Variants in SLX4 observed in about 807,000 individuals in gnomAD.
SLX4 encodes the protein structure-specific endonuclease subunit SLX4.
In SLX4, 112 loss-of-function variants were observed where a neutral mutation model predicts 146.2. The ratio of observed to expected loss-of-function variants is 0.77; its 90% CI spans 0.66 to 0.90. The LOEUF is 0.90. SLX4 is among the 40% of genes least tolerant of loss of function. The probability of loss-of-function intolerance (pLI) is 0.00; values close to 1 mark genes in which losing one functional copy is unlikely to be tolerated. For synonymous variants in SLX4, 1,061 were observed against 997.7 expected (o/e 1.06, Z -1.20); for missense variants, 2,563 against 2,392.7 (o/e 1.07, Z -1.49).
chr16:3,594,685 C>A, intron 9 of SLX4, 86 bp from the exon 10 acceptor site: 3 of 1,586,912 alleles, frequency 1.9e-6, no homozygotes, highest in Admixed American at 1.7e-5. Flanking sequence ...ATGGAGGTGG[C>A]GCTAGGGTGG....
At chr16:3,596,431 C>T (rs1567173464) in intron 7 of SLX4, 38 bp from the exon 8 acceptor site, 1 of 1,557,624 alleles carries the variant, frequency 6.4e-7, no homozygotes, top group East Asian at 2.3e-5. Context: ...CACGTGGTCA[C>T]TGTCATTGAC....
intron 12 of SLX4, among the ~76,000 whole-genome samples, chr16:3,586,163 G>A (rs867853296): frequency 2.6e-5 from 4 of 152,082 alleles, no homozygotes; most frequent in South Asian, 2.1e-4. Flanking sequence ...CAAGAAGAAG[G>A]AAAACATGTC....
At chr16:3,596,880 T>TGCCCA (rs1183159630) in intron 7 of SLX4, among the ~76,000 whole-genome samples, 2 of 151,170 alleles carry the variant, frequency 1.3e-5, no homozygotes, top group East Asian at 3.9e-4. Context: ...TGGAGTGTAA[T>TGCCCA]GGCACGGTCT....
chr16:3,584,402 C>T (rs1037517377), intron 13 of SLX4, among the ~76,000 whole-genome samples: 2 of 152,050 alleles, frequency 1.3e-5, no homozygotes, highest in Non-Finnish European at 2.9e-5. Flanking sequence ...GCCTGGGCGA[C>T]AGAGCAAGAC....
chr16:3,606,448 G>T (rs936104720), intron 3 of SLX4, 26 bp downstream of exon 3: 1 of 1,610,270 alleles, frequency 6.2e-7, no homozygotes. Context: ...ATCTCTGTGT[G>T]GAAGACAGAA....
At chr16:3,611,539 C>G (rs577799018) in intron 1 of SLX4, 21 bp downstream of exon 1, 2 of 152,704 alleles carry the variant, frequency 1.3e-5, no homozygotes, top group Non-Finnish European at 2.9e-5. Context: ...ACTCCCAGCC[C>G]CACAGCCCGG....
Position 3,600,801 on chromosome 16 carries a change from G to A in SLX4, c.1163+178C>T, listed in dbSNP as rs148468422. On this transcript the variant is annotated intron_variant, in intron 5 of 14. Coordinates refer to ENST00000294008, the MANE Select transcript of SLX4 (RefSeq NM_032444.4). ...AGTAGAGACGAGATTGTACCATGTC[G>A]GCCAGGCTGGTATCGAACTCCTGAT... The A allele has an allele frequency of 2.1e-4, 135 of 633,062 alleles. No homozygotes were observed. The African/African-American group carries it at 2.2e-3, about 10-fold the overall frequency. 39.2% of individuals were successfully genotyped at this position (633,062 alleles called of 1,614,324 possible). A position where few individuals can be genotyped will look rare whatever the true frequency, so the allele number is the denominator to read the frequency against.
intron 4 of SLX4, 176 bp from the exon 5 acceptor site, chr16:3,601,367 G>A (rs2040725984): frequency 4.6e-6 from 3 of 655,782 alleles, no homozygotes; most frequent in Admixed American, 2.5e-5. Context: ...CTACACTTAG[G>A]TATCTGTCAG....
intron 2 of SLX4, among the ~76,000 whole-genome samples, chr16:3,607,300 G>A (rs1290356770): frequency 6.6e-6 from 1 of 152,148 alleles, no homozygotes; most frequent in African/African-American, 2.4e-5. Context: ...CACTGCTGAT[G>A]CCTTCCAGTA....
intron 7 of SLX4, among the ~76,000 whole-genome samples, chr16:3,596,985 G>A (rs1257845534): frequency 1.3e-5 from 2 of 152,110 alleles, no homozygotes; most frequent in Non-Finnish European, 2.9e-5. Context: ...ACCATGCCTG[G>A]CTAATTTTTG....
At position 3,585,368 on chromosome 16, in the gene SLX4, C is replaced by T. The variant is rs188440327; in HGVS notation, c.4637-497G>A. Among the ~76,000 whole-genome samples, 455 of 152,204 alleles carry T rather than the reference C, an allele frequency of 3.0e-3. 1 individual carries two copies. Among genetic ancestry groups the T allele is most frequent in the Non-Finnish European group, 5.4e-3 (364 of 67,996 alleles). Reference sequence around the variant, plus strand: ...TTGGGAGGCCGAGGTGGGCGGATCACGAGGTCAGGAGATCGAGACCATCCT... The same window carrying T: ...TTGGGAGGCCGAGGTGGGCGGATCATGAGGTCAGGAGATCGAGACCATCCT... On this transcript the variant is annotated intron_variant, in intron 12 of 14. Coordinates refer to ENST00000294008, the MANE Select transcript of SLX4 (RefSeq NM_032444.4).
At chr16:3,603,929 C>T (rs2040755879) in intron 3 of SLX4, among the ~76,000 whole-genome samples, 1 of 152,146 alleles carries the variant, frequency 6.6e-6, no homozygotes, top group Non-Finnish European at 1.5e-5. Flanking sequence ...CTAGCCTCTT[C>T]AAAAACTCAG....
Position 3,585,034 on chromosome 16 carries a change from G to A in SLX4, c.4637-163C>T, listed in dbSNP as rs142099603. On this transcript the variant is annotated intron_variant, in intron 12 of 14. Coordinates refer to ENST00000294008, the MANE Select transcript of SLX4 (RefSeq NM_032444.4). The stretch of plus-strand genomic sequence containing the variant: ...GTCACCCCTTCCCTGTCTGGAGCAG[G>A]GGCTTCCCAATGATAGCATCGGTGA... 4.6e-5 allele frequency among the ~76,000 whole-genome samples: 7 copies of A among 152,246 alleles called. No homozygotes were observed. In the East Asian group the frequency reaches 1.2e-3, roughly 25 times the overall value.
At chr16:3,593,448 C>A (rs1474008307) in intron 10 of SLX4, among the ~76,000 whole-genome samples, 1 of 152,186 alleles carries the variant, frequency 6.6e-6, no homozygotes, top group Non-Finnish European at 1.5e-5. Context: ...GAACTCCTGG[C>A]CTCAAGCGAT....
At chr16:3,605,175 T>C (rs57747758) in intron 3 of SLX4, among the ~76,000 whole-genome samples, 10,288 of 151,668 alleles carry the variant, frequency 0.068, 364 homozygotes, top group Admixed American at 0.076. Flanking sequence ...CTGCAAGCTC[T>C]GTCTCCCAGG....
In SLX4 at chr16:3,596,209, A is replaced by G. The variant is rs1374394554; in HGVS notation, c.1868T>C (p.Leu623Pro). ...QDLVDLAREG[L>P]SASPWPGSGG... is the part of the protein sequence containing the mutation. ...ACTGCCGGGCCACGGGCTGGCGCTC[A>G]GTCCCTCCCTCGCCAGGTCCACGAG... The change falls in exon 8 of 15, where the codon CTG becomes CCG. Residue 623 changes from leucine (L) to proline (P), a missense_variant. By Grantham distance (98) the Leu-to-Pro change is moderately conservative (BLOSUM62 -3). Coordinates refer to ENST00000294008, the MANE Select transcript of SLX4 (RefSeq NM_032444.4). The G allele has an allele frequency of 2.6e-6, 4 of 1,550,500 alleles. 1 individual carries two copies.
chr16:3,589,845 T>A lies in SLX4; in HGVS notation c.3793A>T (p.Arg1265Ter). The A allele has an allele frequency of 6.2e-7, 1 of 1,613,516 alleles. No homozygotes were observed. The highest frequency in any genetic ancestry group is 8.5e-7 in the Non-Finnish European group (1 of 1,180,016). Residue 1265 changes from arginine to a stop codon, truncating the protein, a stop_gained, in exon 12 of 15, where the codon AGA becomes TGA. Coordinates refer to ENST00000294008, the MANE Select transcript of SLX4 (RefSeq NM_032444.4). LOFTEE classifies it high-confidence loss of function. The surrounding 1 kb of genome is among the most constrained non-coding windows in gnomAD (Gnocchi z 6.2). ...WLVPATPLASRSRDCSSQTQI... is the reference protein window; with the variant it reads ...WLVPATPLAS ...GTCTGGGAAGAACAGTCACGGCTTCTGCTGGCCAGCGGGGTGGCGGGCACC... is the reference window on the plus strand; with the variant it reads ...GTCTGGGAAGAACAGTCACGGCTTCAGCTGGCCAGCGGGGTGGCGGGCACC...
At chr16:3,592,535 G>A (rs2040604750) in intron 11 of SLX4, among the ~76,000 whole-genome samples, 164 bp downstream of exon 11, 1 of 152,244 alleles carries the variant, frequency 6.6e-6, no homozygotes, top group South Asian at 2.1e-4. Context: ...AACATGCCCT[G>A]TTCCACAGGG....
At position 3,605,121 on chromosome 16, in the gene SLX4, G is replaced by C. The variant is rs561133986; in HGVS notation, c.760+1353C>G. On this transcript the variant is annotated intron_variant, in intron 3 of 14. Coordinates refer to ENST00000294008, the MANE Select transcript of SLX4 (RefSeq NM_032444.4). The stretch of plus-strand genomic sequence containing the variant: ...AAATTTTTTTTTGAGTCAGAGTCTT[G>C]CTCTGTTGCCCAGGCTGGAGTGCAG... Among the ~76,000 whole-genome samples, 4 of 151,076 alleles carry C rather than the reference G, an allele frequency of 2.6e-5. 1 individual carries two copies. Among genetic ancestry groups the C allele is most frequent in the Non-Finnish European group, 5.9e-5 (4 of 67,828 alleles).
Sources: gnomAD v4.1 joint callset for allele counts (sites outside exome capture counted in the v4.1 genomes callset) on GRCh38, gnomAD v4.1.1 for gene constraint, Gnocchi (gnomAD v3.1) non-coding constraint, MANE v1.5 for transcripts, NCBI Gene and HGNC (gene_info 2026-07-23, HGNC 2026-07-21) for gene names.